Variants in NEB observed in about 807,000 individuals in gnomAD.
The protein encoded by NEB is nebulin.
A neutral mutation model predicts 952.2 loss-of-function variants in NEB; 512 were observed. That is an observed-to-expected ratio of 0.54 (90% CI 0.50 to 0.58). NEB has a LOEUF of 0.58. Ranked by LOEUF, NEB falls within the 20% of genes least tolerant of loss-of-function variation. The pLI is 0.00. For missense variants in NEB, 8,428 were observed against 9,231.1 expected (o/e 0.91, Z 3.56); for synonymous variants, 2,900 against 3,149.8 (o/e 0.92, Z 2.66).
rs767815793 is a variant in NEB at position 151,619,661 on chromosome 2, T to C, written c.10662A>G (p.Lys3554=). The C allele has an allele frequency of 2.5e-6, 4 of 1,614,002 alleles. No homozygotes were observed. The highest frequency in any genetic ancestry group is 3.4e-6 in the Non-Finnish European group (4 of 1,179,872). ...TCTTGTACTCACGGTCACTCTGCAC[T>C]TTGGCAATGTGGAGGGACCACATTA... The part of the protein sequence containing the change: ...PKIMWSLHIA[K]VQSDREYKKD... Residue 3554 remains lysine (K), a synonymous_variant, in exon 73 of 182, where the codon AAA becomes AAG. Coordinates refer to ENST00000397345, the MANE Select transcript of NEB (RefSeq NM_001164508.2).
At chr2:151,697,714 C>T (rs549857007) in intron 13 of NEB, 66 bp from the exon 14 acceptor site, 1 of 971,984 alleles carries the variant, frequency 1.0e-6, no homozygotes, top group South Asian at 1.6e-5. Context: ...ATAACACTTA[C>T]ATTTTCTAAC....
chr2:151,666,610 T>C lies in NEB; in HGVS notation c.4720-209A>G, dbSNP rs568412898. On this transcript the variant is annotated intron_variant, in intron 40 of 181. Coordinates refer to ENST00000397345, the MANE Select transcript of NEB (RefSeq NM_001164508.2). Reference sequence around the variant, plus strand: ...CTGGAGATCATTAAAAATGGAATAATGGAATAGTTTATATTAATACTCTTC... The same window carrying C: ...CTGGAGATCATTAAAAATGGAATAACGGAATAGTTTATATTAATACTCTTC... 9.3e-4 allele frequency among the ~76,000 whole-genome samples: 142 copies of C among 152,282 alleles called. 1 individual carries two copies. The highest frequency in any genetic ancestry group is 3.1e-3 in the African/African-American group (127 of 41,572).
At position 151,692,257 on chromosome 2, in the gene NEB, G is replaced by T. The variant is rs763334937; in HGVS notation, c.1998+4C>A. 1.2e-6 allele frequency: 2 copies of T among 1,612,982 alleles called. No individual in the cohort carries two copies. Among genetic ancestry groups the T allele is most frequent in the Non-Finnish European group, 1.7e-6 (2 of 1,179,094 alleles). On this transcript the variant is annotated splice_donor_region_variant and intron_variant, in intron 21 of 181. Transcript: ENST00000397345. ...ACCCGAAAGGTAACCGTGGCTTTTCGAACCTCACTGAAGTTCTTCAGCTGA... is the reference window on the plus strand; with the variant it reads ...ACCCGAAAGGTAACCGTGGCTTTTCTAACCTCACTGAAGTTCTTCAGCTGA...
chr2:151,692,242 T>C lies in NEB; in HGVS notation c.1998+19A>G, dbSNP rs771280301. 1.4e-5 allele frequency: 23 copies of C among 1,610,592 alleles called. No homozygotes were observed. The Admixed American group carries it at 3.8e-4, about 27-fold the overall frequency. On this transcript the variant is annotated intron_variant, in intron 21 of 181. Transcript: ENST00000397345. The stretch of plus-strand genomic sequence containing the variant: ...TAGGAAAGCCCTCCTACCCGAAAGG[T>C]AACCGTGGCTTTTCGAACCTCACTG...
chr2:151,688,513 A>T (rs1194336983), intron 24 of NEB, 117 bp from the exon 25 acceptor site: 2 of 744,970 alleles, frequency 2.7e-6, no homozygotes, highest in African/African-American at 3.5e-5. Context: ...AGAGATACTC[A>T]ATTCAGTCAA....
intron 68 of NEB, among the ~76,000 whole-genome samples, chr2:151,629,016 TTGTC>T (rs1196251025): frequency 3.9e-5 from 6 of 152,178 alleles, no homozygotes; most frequent in Non-Finnish European, 7.4e-5. Context: ...TTCCTCGTCT[TTGTC>T]TTTCTGTTTT....
In NEB at chr2:151,690,842, T is replaced by C. The variant is rs762222189; in HGVS notation, c.2212-17A>G. On this transcript the variant is annotated splice_polypyrimidine_tract_variant and intron_variant, in intron 23 of 181. Coordinates refer to ENST00000397345, the MANE Select transcript of NEB (RefSeq NM_001164508.2). ...GTAGGTATGCTAGAAAAGAAGATGTTCTTTAATGAAATATCAGTATATTCT... is the reference window on the plus strand; with the variant it reads ...GTAGGTATGCTAGAAAAGAAGATGTCCTTTAATGAAATATCAGTATATTCT... The C allele has an allele frequency of 5.9e-6, 9 of 1,515,962 alleles. No homozygotes were observed. The highest frequency in any genetic ancestry group is 8.1e-6 in the Non-Finnish European group (9 of 1,110,146). The allele number at this position is 1,515,962 out of a possible 1,614,324, so 93.9% of individuals were successfully genotyped here.
At chr2:151,505,796 A>G (rs1312492598) in intron 164 of NEB, among the ~76,000 whole-genome samples, 1 of 152,092 alleles carries the variant, frequency 6.6e-6, no homozygotes, top group Non-Finnish European at 1.5e-5. Context: ...TGGGGCAGGG[A>G]TGGGGGCCCC....
intron 67 of NEB, 151 bp downstream of exon 67, chr2:151,630,564 T>C: frequency 1.7e-6 from 1 of 598,576 alleles, no homozygotes; most frequent in Non-Finnish European, 2.9e-6. Flanking sequence ...TCCCATAAAA[T>C]GTAATATTTA....
chr2:151,650,443 T>A, intron 53 of NEB, 64 bp from the exon 54 acceptor site: 1 of 1,545,964 alleles, frequency 6.5e-7, no homozygotes, highest in Non-Finnish European at 8.9e-7. Flanking sequence ...TTCAAGTGAT[T>A]CTATGCATTA....
chr2:151,502,470 T>C (rs952590767), intron 167 of NEB, among the ~76,000 whole-genome samples: 11 of 152,204 alleles, frequency 7.2e-5, no homozygotes, highest in Admixed American at 6.5e-4. Flanking sequence ...CTAATTAACA[T>C]TGTCCTTTTG....
chr2:151,516,076 C>T (rs2077557836), intron 157 of NEB, among the ~76,000 whole-genome samples: 1 of 152,052 alleles, frequency 6.6e-6, no homozygotes, highest in African/African-American at 2.4e-5. Context: ...TCACAAATAC[C>T]CTTTTGTTTG....
chr2:151,567,108 CTCA>C, intron 114 of NEB, 57 bp downstream of exon 114: 3 of 1,385,352 alleles, frequency 2.2e-6, no homozygotes, highest in Non-Finnish European at 2.9e-6. Context: ...TGGGATGTTG[CTCA>C]TCATTCTCAG....
intron 10 of NEB, among the ~76,000 whole-genome samples, chr2:151,715,336 T>G (rs1292873191): frequency 6.6e-6 from 1 of 152,252 alleles, no homozygotes; most frequent in African/African-American, 2.4e-5. Context: ...CATTCTTTTC[T>G]TCATAATTAA....
intron 34 of NEB, 40 bp downstream of exon 34, chr2:151,677,525 T>A: frequency 6.9e-7 from 1 of 1,446,496 alleles, no homozygotes; most frequent in Non-Finnish European, 9.3e-7. Flanking sequence ...CTAAAAAGCT[T>A]CCTCCATATC....
At chr2:151,536,147 A>C (rs929147242) in intron 141 of NEB, among the ~76,000 whole-genome samples, 2 of 152,186 alleles carry the variant, frequency 1.3e-5, no homozygotes, top group Non-Finnish European at 2.9e-5. Context: ...GGCTCAGGCT[A>C]TCCGCCTGCC....
At chr2:151,499,467 G>T in intron 168 of NEB, 77 bp from the exon 169 acceptor site, 1 of 755,108 alleles carries the variant, frequency 1.3e-6, no homozygotes. Context: ...TGGGGAACCT[G>T]GTATAAAACT....
intron 132 of NEB, 29 bp downstream of exon 132, chr2:151,547,605 C>T (rs372797159): frequency 5.0e-6 from 8 of 1,607,724 alleles, no homozygotes; most frequent in Non-Finnish European, 6.8e-6. Flanking sequence ...CTAGTCTCTA[C>T]TCCCTGTCTT....
chr2:151,551,808 C>T lies in NEB; in HGVS notation c.19874G>A (p.Gly6625Asp). ...GGTTTTGGTAGTTGGAGCCACTTTG[C>T]CTCTGACACTGTGCACATAGTCATA... ...YHYDYVHSVR[G>D]KVAPTTKTVD... The change falls in exon 129 of 182, where the codon GGC becomes GAC. Residue 6625 changes from glycine to aspartate, a missense_variant. Physicochemically the swap from Gly to Asp is moderately conservative, Grantham distance 94. This residue lies in a region of NEB where 3,374 missense variants were observed against 3,651.5 expected (regional missense o/e 0.92). Coordinates refer to ENST00000397345, the MANE Select transcript of NEB (RefSeq NM_001164508.2). 6.2e-7 allele frequency: 1 copy of T among 1,613,306 alleles called. No individual in the cohort carries two copies. Among genetic ancestry groups the T allele is most frequent in the Non-Finnish European group, 8.5e-7 (1 of 1,179,568 alleles).
Sources: allele counts gnomAD v4.1 joint callset (sites outside exome capture counted in the v4.1 genomes callset), GRCh38; gene constraint gnomAD v4.1.1; regional missense constraint gnomAD v4.1.1; transcripts MANE v1.5; gene names NCBI Gene and HGNC (gene_info 2026-07-23, HGNC 2026-07-21).